Variants in SRGAP3 observed in about 807,000 individuals in gnomAD.
SRGAP3 encodes the protein SLIT-ROBO Rho GTPase activating protein 3.
SRGAP3 carries 39 observed loss-of-function variants against 121.1 expected under a neutral mutation model. The ratio of observed to expected loss-of-function variants is 0.32; its 90% CI spans 0.25 to 0.42. The LOEUF (loss-of-function observed/expected upper bound fraction) is 0.42, where lower values mean the gene tolerates loss of function less well. Ranked by LOEUF, SRGAP3 falls within the 10% of genes least tolerant of loss-of-function variation. SRGAP3 has a pLI of 1.00. For synonymous variants in SRGAP3, 601 were observed against 570.0 expected (o/e 1.05, Z -0.77); for missense variants, 1,213 against 1,470.6 (o/e 0.82, Z 2.86).
In SRGAP3 at chr3:8,990,548, C is replaced by G; in HGVS notation, c.2850G>C (p.Gly950=). 6.4e-7 allele frequency: 1 copy of G among 1,572,980 alleles called. No homozygotes were observed. The highest frequency in any genetic ancestry group is 8.6e-7 in the Non-Finnish European group (1 of 1,159,230). ...TCGSTRHSSL[G]DHKSLEAEAL... ...CCTCGGCCTCCAGGGACTTGTGGTC[C>G]CCTAGGCTGCTGTGCCTGGTGGAAC... is the stretch of plus-strand genomic sequence containing the variant. Residue 950 remains glycine (G), a synonymous_variant, in exon 21 of 22, where the codon GGG becomes GGC. Transcript: ENST00000383836.
At chr3:9,224,460 C>T (rs1276685477) in intron 1 of SRGAP3, among the ~76,000 whole-genome samples, 2 of 152,140 alleles carry the variant, frequency 1.3e-5, no homozygotes, top group African/African-American at 4.8e-5. Context: ...CCATCTTCTC[C>T]CCCCATGCAG....
chr3:9,347,314 C>T (rs1046184503), intron 1 of SRGAP3, among the ~76,000 whole-genome samples: 1 of 152,170 alleles, frequency 6.6e-6, no homozygotes, highest in Non-Finnish European at 1.5e-5. Flanking sequence ...GCATGCACCA[C>T]CATGCCTGGC....
At chr3:9,066,699 G>A (rs1006646893) in intron 4 of SRGAP3, among the ~76,000 whole-genome samples, 12 of 152,268 alleles carry the variant, frequency 7.9e-5, no homozygotes, top group East Asian at 1.9e-4. Flanking sequence ...GGGTTTCACC[G>A]TGTTGGTCAA....
intron 3 of SRGAP3, among the ~76,000 whole-genome samples, chr3:9,260,193 G>A (rs866592727): frequency 2.1e-4 from 32 of 152,206 alleles, no homozygotes; most frequent in African/African-American, 7.5e-4. Flanking sequence ...CACCACCAGG[G>A]CCCTGGGTTT....
chr3:9,168,620 G>GGA (rs1468749620), intron 1 of SRGAP3, among the ~76,000 whole-genome samples: 1 of 152,218 alleles, frequency 6.6e-6, no homozygotes, highest in Non-Finnish European at 1.5e-5. Context: ...CATTCCAAAT[G>GGA]GAGACCTCTT....
At chr3:9,082,427 A>G (rs1156326683) in intron 3 of SRGAP3, among the ~76,000 whole-genome samples, 3 of 152,262 alleles carry the variant, frequency 2.0e-5, no homozygotes, top group Non-Finnish European at 4.4e-5. Context: ...ATTGCCCTCT[A>G]TGAACCAGGA....
intron 2 of SRGAP3, among the ~76,000 whole-genome samples, chr3:9,110,333 G>A (rs778202571): frequency 6.6e-6 from 1 of 152,174 alleles, no homozygotes; most frequent in African/African-American, 2.4e-5. Flanking sequence ...AGTCGAACAC[G>A]ACGAGTCTAA....
At chr3:9,125,674 G>A (rs80091551) in intron 1 of SRGAP3, among the ~76,000 whole-genome samples, 3,757 of 152,294 alleles carry the variant, frequency 0.025, 159 homozygotes, top group African/African-American at 0.086. Flanking sequence ...AATCACAGCT[G>A]AATGCCAATA....
At chr3:9,197,689 C>T (rs1951955810) in intron 1 of SRGAP3, among the ~76,000 whole-genome samples, 1 of 152,236 alleles carries the variant, frequency 6.6e-6, no homozygotes, top group African/African-American at 2.4e-5. Flanking sequence ...CCAGATCATG[C>T]ATCTCAGAAG....
chr3:9,113,664 C>T (rs1322673063), intron 2 of SRGAP3, among the ~76,000 whole-genome samples: 3 of 152,216 alleles, frequency 2.0e-5, no homozygotes, highest in East Asian at 3.9e-4. Context: ...CCCCACGTGT[C>T]ATGGGTGGGA....
rs1941411483 is a variant in SRGAP3, at chr3:8,981,479, G to A, written c.*4040C>T. On this transcript the variant is annotated 3_prime_UTR_variant, in exon 22 of 22. Transcript: ENST00000383836. ...AAAGTTAGGAATAGAAAGACTGAGA[G>A]GAAGAACCATTACCCGAGTCCTCGT... 2 of 232,452 alleles carry A rather than the reference G, an allele frequency of 8.6e-6. No homozygotes were observed. The highest frequency in any genetic ancestry group is 3.6e-4 in the South Asian group (2 of 5,528). The allele number at this position is 232,452 out of a possible 1,614,324, so 14.4% of individuals were successfully genotyped here.
At chr3:9,065,140 G>A (rs1041616439) in intron 4 of SRGAP3, among the ~76,000 whole-genome samples, 2 of 152,112 alleles carry the variant, frequency 1.3e-5, no homozygotes, top group African/African-American at 4.8e-5. Context: ...GCTGCAAATG[G>A]CTCTGTACCC....
chr3:9,157,922 A>T (rs1950474097), intron 1 of SRGAP3, among the ~76,000 whole-genome samples: 1 of 152,270 alleles, frequency 6.6e-6, no homozygotes, highest in Admixed American at 6.5e-5. Flanking sequence ...GGGGAGACTC[A>T]GACCCACAAG....
chr3:9,101,437 G>A (rs1196957500), intron 3 of SRGAP3, among the ~76,000 whole-genome samples: 1 of 152,200 alleles, frequency 6.6e-6, no homozygotes, highest in African/African-American at 2.4e-5. Context: ...CGCAGCACCC[G>A]GTGTGCTCAC....
chr3:9,238,073 T>G (rs189590759), intron 1 of SRGAP3, among the ~76,000 whole-genome samples: 2 of 152,344 alleles, frequency 1.3e-5, no homozygotes, highest in Admixed American at 1.3e-4. Context: ...GGAATGCTGC[T>G]AAACATCCTA....
chr3:9,263,104 C>T (rs1275387324), intron 3 of SRGAP3, among the ~76,000 whole-genome samples: 2 of 152,182 alleles, frequency 1.3e-5, no homozygotes, highest in Non-Finnish European at 2.9e-5. Context: ...GAACAACCTG[C>T]TCCTGAATGA....
At chr3:9,293,594 A>C (rs1397114870) in intron 3 of SRGAP3, among the ~76,000 whole-genome samples, 1 of 152,232 alleles carries the variant, frequency 6.6e-6, no homozygotes, top group African/African-American at 2.4e-5. Context: ...GCATCCGACA[A>C]AGGTTTAATA....
intron 1 of SRGAP3, among the ~76,000 whole-genome samples, chr3:9,128,762 G>T (rs1448499616): frequency 6.6e-6 from 1 of 152,200 alleles, no homozygotes; most frequent in Non-Finnish European, 1.5e-5. Flanking sequence ...ATACAATAAT[G>T]AAAAAGGAAT....
chr3:9,029,554 A>C (rs762492030), intron 12 of SRGAP3, among the ~76,000 whole-genome samples: 60 of 152,230 alleles, frequency 3.9e-4, no homozygotes, highest in Non-Finnish European at 6.2e-4. Flanking sequence ...GTGAAGTCCC[A>C]GTGATGTTAT....
Sources: gnomAD v4.1 joint callset for allele counts (sites outside exome capture counted in the v4.1 genomes callset) on GRCh38, gnomAD v4.1.1 for gene constraint, MANE v1.5 for transcripts, NCBI Gene and HGNC (gene_info 2026-07-23, HGNC 2026-07-21) for gene names.